The following LITAF variants were observed in gnomAD, a reference collection of about 807,000 sequenced individuals.
The protein encoded by LITAF is lipopolysaccharide induced TNF factor.
LITAF carries 9 observed loss-of-function variants against 14.5 expected under a neutral mutation model. The observed-to-expected ratio is 0.62, with a 90% confidence interval of 0.37 to 1.08. LITAF has a LOEUF of 1.08. Among genes scored for constraint, LITAF ranks in the 50% least tolerant of loss-of-function variants. The pLI is 0.01. For synonymous variants in LITAF, 98 were observed against 88.2 expected, an observed-to-expected ratio of 1.11 and a Z score of -0.62; for missense variants, 206 against 213.4, an observed-to-expected ratio of 0.97 and a Z score of 0.22.
At chr16:11,637,976 ATATATATCTATATATATCTATATATATCT>A (rs2065146720), upstream of LITAF, among the ~76,000 whole-genome samples, 4 of 37,386 alleles carry the variant, frequency 1.1e-4, 1 homozygote, top group African/African-American at 7.7e-4. Flanking sequence ...CTATATATCT[ATATATATCTATATATATCTATATATATCT>A]ATATATATCT....
chr16:11,586,913 G>C lies in LITAF; in HGVS notation c.-33C>G, dbSNP rs1186783934. ...CCGCCCGCGCCGCCTGTCGAGCCGG[G>C]AGGTCTGAGCTGGCCTCTCGGGCGC... On this transcript the variant is annotated 5_prime_UTR_variant, in exon 1 of 4. Transcript: ENST00000622633. The surrounding 1 kb of genome is among the most constrained non-coding windows in gnomAD (Gnocchi z 6.5). 6.6e-6 allele frequency: 1 copy of C among 150,562 alleles called. No homozygotes were observed. The highest frequency in any genetic ancestry group is 2.0e-4 in the East Asian group (1 of 4,992). The allele number at this position is 150,562 out of a possible 1,614,324, so 9.3% of individuals were successfully genotyped here.
upstream of LITAF, among the ~76,000 whole-genome samples, chr16:11,599,265 G>A (rs1278150278): frequency 6.6e-6 from 1 of 151,724 alleles, no homozygotes; most frequent in Non-Finnish European, 1.5e-5. Context: ...TTACAGGCAT[G>A]CATCACCATG....
At chr16:11,617,192 C>T (rs990444449) in intron 3 of LITAF, among the ~76,000 whole-genome samples, 5 of 151,906 alleles carry the variant, frequency 3.3e-5, no homozygotes, top group African/African-American at 1.2e-4. Context: ...TACACTTCAA[C>T]CTGGGTGACA....
At position 11,558,970 on chromosome 16, in the gene LITAF, G is replaced by A. The variant is rs920763987; in HGVS notation, c.-5-2235C>T. Among the ~76,000 whole-genome samples the A allele has an allele frequency of 6.6e-6, 1 of 152,066 alleles. No individual in the cohort carries two copies. The highest frequency in any genetic ancestry group is 2.4e-5 in the African/African-American group (1 of 41,398). On this transcript the variant is annotated intron_variant, in intron 1 of 3. Coordinates refer to ENST00000622633, the MANE Select transcript of LITAF (RefSeq NM_001136472.2). This position sits in a 1 kb window ranked among gnomAD's most constrained non-coding sequence, Gnocchi z 4.1. ...GGCGTCTAAAATGTGGCTTGTGGCC[G>A]GGCACGGGGGCTCATGACTGCAATC...
At chr16:11,607,407 T>C (rs2064960310) in intron 3 of LITAF, among the ~76,000 whole-genome samples, 1 of 152,240 alleles carries the variant, frequency 6.6e-6, no homozygotes. Context: ...CCTTAAGCTC[T>C]TAATTTATTT....
At chr16:11,629,991 A>G (rs983241115) in intron 3 of LITAF, among the ~76,000 whole-genome samples, 3 of 152,122 alleles carry the variant, frequency 2.0e-5, no homozygotes, top group Non-Finnish European at 4.4e-5. Flanking sequence ...GAGGGAAGAG[A>G]AGGAGTTCGG....
In LITAF at chr16:11,556,666, G is replaced by A; in HGVS notation, c.65C>T (p.Ser22Phe). 6.2e-7 allele frequency: 1 copy of A among 1,614,232 alleles called. No homozygotes were observed. The highest frequency in any genetic ancestry group is 8.5e-7 in the Non-Finnish European group (1 of 1,180,054). Residue 22 changes from serine (S) to phenylalanine (F), a missense_variant, in exon 2 of 4, where the codon TCC becomes TTC. Transcript: ENST00000622633. ...GPSSAPSAPP[S>F]YEETVAVNSY... Reference sequence around the variant, plus strand: ...GTTAACAGCCACTGTCTCTTCATAGGATGGAGGTGCGGATGGTGCTGAGGA... The same window carrying A: ...GTTAACAGCCACTGTCTCTTCATAGAATGGAGGTGCGGATGGTGCTGAGGA...
intron 1 of LITAF, among the ~76,000 whole-genome samples, chr16:11,595,317 C>CCTGG (rs1239351261): frequency 1.3e-5 from 2 of 152,208 alleles, no homozygotes; most frequent in Admixed American, 1.3e-4. Context: ...GGCTCAGTGG[C>CCTGG]CTGGCCCTGA....
intron 1 of LITAF, among the ~76,000 whole-genome samples, chr16:11,593,836 A>G (rs1202153031): frequency 1.3e-5 from 2 of 152,172 alleles, no homozygotes; most frequent in Non-Finnish European, 1.5e-5. Context: ...TGCTGAAAGG[A>G]TTGGGGGGTG....
At chr16:11,625,254 C>G (rs574805364) in intron 3 of LITAF, among the ~76,000 whole-genome samples, 2 of 145,072 alleles carry the variant, frequency 1.4e-5, no homozygotes, top group East Asian at 4.1e-4. Context: ...CCGAGATCAC[C>G]TCCCAAAAAC....
In LITAF at chr16:11,605,490, A is replaced by G. The variant is rs1021425904; in HGVS notation, c.85+28043T>C. Among the ~76,000 whole-genome samples the G allele has an allele frequency of 1.3e-5, 2 of 152,142 alleles. No homozygotes were observed. Among genetic ancestry groups the G allele is most frequent in the Non-Finnish European group, 2.9e-5 (2 of 68,000 alleles). On this transcript the variant is annotated intron_variant, in intron 3 of 3. Coordinates refer to the LITAF transcript ENST00000574848. This position sits in a 1 kb window ranked among gnomAD's most constrained non-coding sequence, Gnocchi z 4.7. ...AGCCCCGTGTCTCTCTTTACAGCCC[A>G]GAGCCGCACAGGAGGGAGACTCCTA...
At chr16:11,572,465 C>T (rs932363347) in intron 1 of LITAF, among the ~76,000 whole-genome samples, 1 of 151,972 alleles carries the variant, frequency 6.6e-6, no homozygotes, top group African/African-American at 2.4e-5. Flanking sequence ...CACACACCAG[C>T]GAGAAGTCAC....
intron 1 of LITAF, among the ~76,000 whole-genome samples, chr16:11,567,967 G>C (rs1030200632): frequency 8.5e-5 from 13 of 152,180 alleles, no homozygotes; most frequent in Middle Eastern, 3.4e-3. Context: ...CTGGGCAACA[G>C]AGCGAGACTC....
intron 1 of LITAF, among the ~76,000 whole-genome samples, chr16:11,565,222 A>ACAGG (rs2064432428): frequency 6.6e-6 from 1 of 151,610 alleles, no homozygotes; most frequent in Non-Finnish European, 1.5e-5. Flanking sequence ...AGCTGGGATT[A>ACAGG]CAGGTGCCTG....
At chr16:11,583,759 G>C (rs1307845795) in intron 1 of LITAF, among the ~76,000 whole-genome samples, 2 of 152,140 alleles carry the variant, frequency 1.3e-5, no homozygotes, top group Non-Finnish European at 1.5e-5. Flanking sequence ...GAGCTAAATA[G>C]CTTAAATTCT....
At chr16:11,579,975 G>C (rs529645637) in intron 1 of LITAF, among the ~76,000 whole-genome samples, 1 of 152,248 alleles carries the variant, frequency 6.6e-6, no homozygotes, top group East Asian at 1.9e-4. Flanking sequence ...GCTGCCCTTT[G>C]ATACAATAAA....
intron 1 of LITAF, among the ~76,000 whole-genome samples, chr16:11,571,609 G>T (rs10852336): frequency 0.78 from 117,974 of 152,004 alleles, 46,734 homozygotes; most frequent in African/African-American, 0.93. Flanking sequence ...CCTCCCACCT[G>T]AACCCCCAGG....
chr16:11,594,753 G>C (rs1460625699), intron 1 of LITAF, among the ~76,000 whole-genome samples: 1 of 151,976 alleles, frequency 6.6e-6, no homozygotes, highest in African/African-American at 2.4e-5. Flanking sequence ...GCTCGTGCCT[G>C]TAATCCCAGC....
intron 1 of LITAF, among the ~76,000 whole-genome samples, chr16:11,569,749 G>A (rs913736636): frequency 6.6e-6 from 1 of 152,148 alleles, no homozygotes; most frequent in African/African-American, 2.4e-5. Flanking sequence ...GTAAGACAAT[G>A]GGGCCAAGCG....
Sources: allele counts gnomAD v4.1 joint callset (sites outside exome capture counted in the v4.1 genomes callset), GRCh38; gene constraint gnomAD v4.1.1; non-coding constraint Gnocchi (gnomAD v3.1); transcripts MANE v1.5; gene names NCBI Gene and HGNC (gene_info 2026-07-23, HGNC 2026-07-21).